BLOC1S5: variants seen among roughly 807,000 people sequenced by gnomAD.
BLOC1S5 encodes biogenesis of lysosome-related organelles complex 1 subunit 5.
BLOC1S5 carries 27 observed loss-of-function variants against 24.3 expected under a neutral mutation model. The observed-to-expected ratio is 1.11, with a 90% CI of 0.82 to 1.53. BLOC1S5 has a LOEUF of 1.53. Among genes scored for constraint, BLOC1S5 ranks in the 40% most tolerant of loss-of-function variants. The pLI is 0.00. For missense variants in BLOC1S5, 239 were observed against 229.4 expected (o/e 1.04, Z -0.27); for synonymous variants, 84 against 74.5 (o/e 1.13, Z -0.66).
chr6:8,015,791 T>C lies in BLOC1S5; in HGVS notation c.422A>G (p.His141Arg). 1 of 1,613,938 alleles carries C rather than the reference T, an allele frequency of 6.2e-7. No individual in the cohort carries two copies. Among genetic ancestry groups the C allele is most frequent in the South Asian group, 1.1e-5 (1 of 90,986 alleles). ...SDHLVASEKQ[H>R]MLQWDNFMKE... is the part of the protein sequence containing the mutation. ...CATGAAGTTGTCCCACTGGAGCATA[T>C]GCTGTTTCTCACTAGCTACTAAGTG... The change falls in exon 5 of 5, where the codon CAT becomes CGT. Residue 141 changes from histidine to arginine, a missense_variant. Coordinates refer to ENST00000397457, the MANE Select transcript of BLOC1S5 (RefSeq NM_201280.3).
At chr6:8,026,447 T>C in intron 3 of BLOC1S5, 22 bp from the exon 4 acceptor site, 1 of 1,602,406 alleles carries the variant, frequency 6.2e-7, no homozygotes. Flanking sequence ...AAGACATGGG[T>C]TTTCAGTCAG....
intron 2 of BLOC1S5, among the ~76,000 whole-genome samples, chr6:8,052,798 G>C (rs1349497221): frequency 1.3e-5 from 2 of 152,002 alleles, no homozygotes; most frequent in Admixed American, 6.5e-5. Context: ...GGGAGGCTGA[G>C]GGAGGAGAAC....
chr6:8,037,932 G>T (rs926884636), intron 3 of BLOC1S5, among the ~76,000 whole-genome samples: 4 of 152,136 alleles, frequency 2.6e-5, no homozygotes, highest in African/African-American at 7.2e-5. Context: ...GTATGACTGG[G>T]AAAACTGGAT....
Position 8,041,142 on chromosome 6 carries a change from T to C in BLOC1S5, c.322A>G (p.Arg108Gly), listed in dbSNP as rs1293010288. 1 of 1,581,708 alleles carries C rather than the reference T, an allele frequency of 6.3e-7. No homozygotes were observed. Among genetic ancestry groups the C allele is most frequent in the South Asian group, 1.2e-5 (1 of 84,812 alleles). Residue 108 changes from arginine (R) to glycine (G), a missense_variant, in exon 3 of 5, where the codon AGA (arginine) becomes GGA (glycine). Transcript: ENST00000397457. ...MRDSLSQVLQRLQAANDSVCR... is the reference protein window; with the variant it reads ...MRDSLSQVLQGLQAANDSVCR... The stretch of plus-strand genomic sequence containing the variant: ...TAAAAAAGAATTGCTGACTCACATC[T>C]CTGGAGAACCTGGCTGAGGCTGTCC...
chr6:8,046,853 G>A (rs933031190), intron 2 of BLOC1S5, among the ~76,000 whole-genome samples: 5 of 151,878 alleles, frequency 3.3e-5, no homozygotes, highest in Admixed American at 2.6e-4. Flanking sequence ...ATGGCTCACT[G>A]CAGCCTTGAA....
chr6:8,034,135 A>G (rs1316943655), intron 3 of BLOC1S5, among the ~76,000 whole-genome samples: 20 of 152,234 alleles, frequency 1.3e-4, no homozygotes, highest in Non-Finnish European at 1.5e-5. Context: ...CTGGGTATGT[A>G]CCCAAAGGAT....
intron 4 of BLOC1S5, 108 bp from the exon 5 acceptor site, chr6:8,015,936 A>G (rs1433927248): frequency 9.8e-7 from 1 of 1,022,122 alleles, no homozygotes; most frequent in Non-Finnish European, 1.4e-6. Context: ...AGTCACAAGG[A>G]AAAAGTTGTG....
chr6:8,057,179 AT>A (rs1283157097), intron 2 of BLOC1S5, among the ~76,000 whole-genome samples: 1 of 152,164 alleles, frequency 6.6e-6, no homozygotes, highest in Non-Finnish European at 1.5e-5. Flanking sequence ...AGATCGCACC[AT>A]TGTACTCCAG....
chr6:8,040,250 G>A (rs1172848794), intron 3 of BLOC1S5, among the ~76,000 whole-genome samples: 1 of 152,100 alleles, frequency 6.6e-6, no homozygotes, highest in African/African-American at 2.4e-5. Context: ...ACTGTAAGGT[G>A]GGGAAGATGA....
At chr6:8,052,940 C>A (rs186132986) in intron 2 of BLOC1S5, among the ~76,000 whole-genome samples, 2 of 151,766 alleles carry the variant, frequency 1.3e-5, no homozygotes, top group African/African-American at 4.8e-5. Context: ...GACTGAATTG[C>A]TGCATCTTAT....
chr6:8,032,209 T>C (rs1763321368), intron 3 of BLOC1S5, among the ~76,000 whole-genome samples: 1 of 152,104 alleles, frequency 6.6e-6, no homozygotes, highest in Non-Finnish European at 1.5e-5. Context: ...CTTCGCAAAC[T>C]ATGCATCCCA....
At chr6:8,015,974 T>A in intron 4 of BLOC1S5, 146 bp from the exon 5 acceptor site, 2 of 675,196 alleles carry the variant, frequency 3.0e-6, no homozygotes, top group Admixed American at 6.4e-5. Flanking sequence ...AGATGACACA[T>A]TAGAAACATC....
At chr6:8,050,671 C>G (rs375700339) in intron 2 of BLOC1S5, among the ~76,000 whole-genome samples, 1 of 150,154 alleles carries the variant, frequency 6.7e-6, no homozygotes, top group East Asian at 2.0e-4. Context: ...GGTGTGATCT[C>G]GGCTCACCGC....
intron 2 of BLOC1S5, chr6:8,054,281 A>G (rs190655126): frequency 9.1e-5 from 41 of 451,458 alleles, no homozygotes; most frequent in Admixed American, 8.8e-4. Context: ...ATCTCCTTCT[A>G]TTTTCTGATA....
intron 2 of BLOC1S5, among the ~76,000 whole-genome samples, chr6:8,057,292 C>T (rs1027074450): frequency 1.3e-5 from 2 of 152,098 alleles, no homozygotes; most frequent in Admixed American, 6.6e-5. Context: ...ACAAAAAAGA[C>T]GTTAGAAAGT....
chr6:8,013,917 T>G lies in BLOC1S5; in HGVS notation c.*1732A>C, dbSNP rs1049287988. The G allele has an allele frequency of 6.6e-6, 1 of 152,210 alleles. No individual in the cohort carries two copies. The highest frequency in any genetic ancestry group is 2.4e-5 in the African/African-American group (1 of 41,446). 9.4% of individuals were successfully genotyped at this position (152,210 alleles called of 1,614,324 possible). A position where few individuals can be genotyped will look rare whatever the true frequency, so the allele number is the denominator to read the frequency against. On this transcript the variant is annotated 3_prime_UTR_variant, in exon 5 of 5. Transcript: ENST00000397457. Reference sequence around the variant, plus strand: ...AAATGATTGATGAGCCTGTCAAGCCTACAGTAGCGGATAGAGAAAGTTGGC... The same window carrying G: ...AAATGATTGATGAGCCTGTCAAGCCGACAGTAGCGGATAGAGAAAGTTGGC...
rs770971595 is a variant in BLOC1S5 at position 8,013,808 on chromosome 6, G to C, written c.*1841C>G. 1 of 152,138 alleles carries C rather than the reference G, an allele frequency of 6.6e-6. No homozygotes were observed. Among genetic ancestry groups the C allele is most frequent in the Non-Finnish European group, 1.5e-5 (1 of 68,020 alleles). 9.4% of individuals were successfully genotyped at this position (152,138 alleles called of 1,614,324 possible). A position where few individuals can be genotyped will look rare whatever the true frequency, so the allele number is the denominator to read the frequency against. On this transcript the variant is annotated 3_prime_UTR_variant, in exon 5 of 5. Coordinates refer to ENST00000397457, the MANE Select transcript of BLOC1S5 (RefSeq NM_201280.3). Reference sequence around the variant, plus strand: ...TTTCATGTGTGGGATATTTTTGGAAGTATTTCTTTTTCCATCCACTGAATT... The same window carrying C: ...TTTCATGTGTGGGATATTTTTGGAACTATTTCTTTTTCCATCCACTGAATT...
chr6:8,020,234 C>T (rs10458106), intron 4 of BLOC1S5, among the ~76,000 whole-genome samples: 23,831 of 152,208 alleles, frequency 0.16, 1,944 homozygotes, highest in Admixed American at 0.19. Context: ...TGGAGACCTA[C>T]AACATCTCCA....
chr6:8,060,258 G>A (rs1186345935), intron 2 of BLOC1S5, among the ~76,000 whole-genome samples: 2 of 152,202 alleles, frequency 1.3e-5, no homozygotes, highest in Non-Finnish European at 2.9e-5. Flanking sequence ...AATTGCTGAT[G>A]CTGTAACAAT....
Sources: allele counts gnomAD v4.1 joint callset (sites outside exome capture counted in the v4.1 genomes callset), GRCh38; gene constraint gnomAD v4.1.1; transcripts MANE v1.5; gene names NCBI Gene and HGNC (gene_info 2026-07-23, HGNC 2026-07-21).